CLSTN2: variants seen among roughly 807,000 people sequenced by gnomAD.
The protein encoded by CLSTN2 is calsyntenin 2, also known as calsyntenin-2.
In CLSTN2, 48 loss-of-function variants were observed where a neutral mutation model predicts 101.2. The ratio of observed to expected loss-of-function variants is 0.47; its 90% CI spans 0.38 to 0.60. CLSTN2 has a LOEUF of 0.60. Among genes scored for constraint, CLSTN2 ranks in the 20% least tolerant of loss-of-function variants. The pLI is 0.00. For synonymous variants in CLSTN2, 481 were observed against 463.6 expected, an observed-to-expected ratio of 1.04 and a Z score of -0.48; for missense variants, 1,160 against 1,238.2, an observed-to-expected ratio of 0.94 and a Z score of 0.95.
intron 9 of CLSTN2, among the ~76,000 whole-genome samples, chr3:140,538,952 G>T (rs1576618047): frequency 2.0e-5 from 3 of 152,154 alleles, no homozygotes; most frequent in African/African-American, 7.2e-5. Context: ...AAAGCAATCT[G>T]TTTGACTTTG....
chr3:140,513,390 G>C (rs1388280563), intron 8 of CLSTN2, among the ~76,000 whole-genome samples: 2 of 152,078 alleles, frequency 1.3e-5, no homozygotes, highest in Admixed American at 6.6e-5. Flanking sequence ...CTTTGGTTCT[G>C]TTTATGTGAT....
intron 2 of CLSTN2, among the ~76,000 whole-genome samples, chr3:140,262,902 G>A (rs568338747): frequency 6.6e-6 from 1 of 152,064 alleles, no homozygotes; most frequent in Non-Finnish European, 1.5e-5. Flanking sequence ...AGAAAGAAAG[G>A]GATCACTGGG....
chr3:140,445,505 G>A (rs562814164), intron 5 of CLSTN2, among the ~76,000 whole-genome samples: 31 of 152,120 alleles, frequency 2.0e-4, no homozygotes, highest in East Asian at 3.9e-4. Flanking sequence ...GACTGGTGCC[G>A]CAGGGTGCAC....
At chr3:139,972,235 G>A (rs1046222307) in intron 1 of CLSTN2, among the ~76,000 whole-genome samples, 2 of 152,060 alleles carry the variant, frequency 1.3e-5, no homozygotes, top group Non-Finnish European at 2.9e-5. Flanking sequence ...CTGCACTCCA[G>A]CCTGGGCGAC....
chr3:140,191,754 G>A (rs78716873), intron 2 of CLSTN2, among the ~76,000 whole-genome samples: 6,584 of 151,920 alleles, frequency 0.043, 444 homozygotes, highest in African/African-American at 0.15. Context: ...TGCTCCTCAT[G>A]TTGATAACTT....
At chr3:140,262,585 T>C (rs544454645) in intron 2 of CLSTN2, among the ~76,000 whole-genome samples, 137 of 152,262 alleles carry the variant, frequency 9.0e-4, no homozygotes, top group African/African-American at 3.2e-3. Flanking sequence ...ATGGGGCCCA[T>C]AGATTAGTGG....
intron 2 of CLSTN2, among the ~76,000 whole-genome samples, chr3:140,365,731 G>A (rs947583483): frequency 1.3e-5 from 2 of 152,170 alleles, no homozygotes; most frequent in South Asian, 2.1e-4. Flanking sequence ...AGTACTCACC[G>A]AGGCCTACAC....
intron 2 of CLSTN2, among the ~76,000 whole-genome samples, chr3:140,259,876 G>A (rs890646460): frequency 6.6e-6 from 1 of 151,940 alleles, no homozygotes; most frequent in Admixed American, 6.6e-5. Flanking sequence ...CATAGATGAG[G>A]TGGTCTATTA....
intron 1 of CLSTN2, among the ~76,000 whole-genome samples, chr3:139,968,356 G>T (rs1002204849): frequency 1.1e-4 from 16 of 152,140 alleles, no homozygotes; most frequent in African/African-American, 3.9e-4. Flanking sequence ...AAATATAATT[G>T]ATTGAAGACC....
At chr3:140,161,856 C>T (rs2046455974) in intron 1 of CLSTN2, among the ~76,000 whole-genome samples, 1 of 152,130 alleles carries the variant, frequency 6.6e-6, no homozygotes, top group Admixed American at 6.6e-5. Context: ...AAAGAGCTTT[C>T]GTTTTGTAGG....
At chr3:140,052,108 G>A (rs7612404) in intron 1 of CLSTN2, among the ~76,000 whole-genome samples, 5,326 of 152,222 alleles carry the variant, frequency 0.035, 291 homozygotes, top group African/African-American at 0.12. Context: ...GGCCTGGCTG[G>A]CTGAGTCTGT....
At chr3:139,996,466 T>A (rs1411640652) in intron 1 of CLSTN2, among the ~76,000 whole-genome samples, 2 of 152,152 alleles carry the variant, frequency 1.3e-5, no homozygotes, top group African/African-American at 4.8e-5. Flanking sequence ...CTCGGCTCAC[T>A]GCAAGCTCTG....
intron 2 of CLSTN2, among the ~76,000 whole-genome samples, chr3:140,279,266 C>T (rs1266790630): frequency 3.3e-5 from 5 of 152,178 alleles, no homozygotes; most frequent in Non-Finnish European, 5.9e-5. Flanking sequence ...GGCAGAGCTC[C>T]CACTGGCTGT....
chr3:140,507,800 A>G (rs1008335388), intron 8 of CLSTN2: 1 of 152,018 alleles, frequency 6.6e-6, no homozygotes, highest in Admixed American at 6.5e-5. Context: ...TACTTTCTAT[A>G]TTCAGCACCT....
At chr3:140,433,658 G>A (rs2088659911) in intron 5 of CLSTN2, among the ~76,000 whole-genome samples, 1 of 152,234 alleles carries the variant, frequency 6.6e-6, no homozygotes, top group African/African-American at 2.4e-5. Context: ...GAACCTCTCA[G>A]AACCCTCAGA....
chr3:140,251,641 TTTTTGCTTCCCC>T (rs1212543605), intron 2 of CLSTN2, among the ~76,000 whole-genome samples: 14 of 150,892 alleles, frequency 9.3e-5, no homozygotes, highest in South Asian at 2.1e-4. Context: ...TCCTTTCCTC[TTTTTGCTTCCCC>T]TCCTTCCCTT....
intron 11 of CLSTN2, chr3:140,556,996 G>A (rs935482622): frequency 4.3e-6 from 1 of 230,976 alleles, no homozygotes; most frequent in Admixed American, 5.1e-5. Flanking sequence ...AGGGCGCAGT[G>A]CGTGGTACAC....
chr3:140,368,798 A>G (rs1004337026), intron 2 of CLSTN2, among the ~76,000 whole-genome samples: 2 of 152,164 alleles, frequency 1.3e-5, no homozygotes, highest in African/African-American at 2.4e-5. Context: ...GGACTCTGTG[A>G]CTTTTTGTGT....
chr3:140,202,952 C>A (rs886870186), intron 2 of CLSTN2, among the ~76,000 whole-genome samples: 1 of 152,112 alleles, frequency 6.6e-6, no homozygotes, highest in African/African-American at 2.4e-5. Flanking sequence ...GATCTATGCC[C>A]CCTCCTGGTC....
Sources: gnomAD v4.1 joint callset for allele counts (sites outside exome capture counted in the v4.1 genomes callset) on GRCh38, gnomAD v4.1.1 for gene constraint, MANE v1.5 for transcripts, NCBI Gene and HGNC (gene_info 2026-07-23, HGNC 2026-07-21) for gene names.